The following SPTLC2 variants were observed in gnomAD, a reference collection of about 807,000 sequenced individuals.
SPTLC2 encodes serine palmitoyltransferase long chain base subunit 2.
SPTLC2 carries 21 observed loss-of-function variants against 62.0 expected under a neutral mutation model. The observed-to-expected ratio is 0.34, with a 90% CI of 0.24 to 0.49. The LOEUF is 0.49. Among genes scored for constraint, SPTLC2 ranks in the 20% least tolerant of loss-of-function variants. The pLI is 0.99. For synonymous variants in SPTLC2, 261 were observed against 261.8 expected (o/e 1.00, Z 0.03); for missense variants, 511 against 713.0 (o/e 0.72, Z 3.23).
chr14:77,603,408 C>A (rs1356631015), intron 1 of SPTLC2, among the ~76,000 whole-genome samples: 2 of 152,202 alleles, frequency 1.3e-5, no homozygotes, highest in African/African-American at 2.4e-5. Flanking sequence ...TCTGCTGAAA[C>A]TGTCCTTGCA....
At chr14:77,612,017 G>T (rs2140068124) in intron 1 of SPTLC2, among the ~76,000 whole-genome samples, 1 of 152,276 alleles carries the variant, frequency 6.6e-6, no homozygotes, top group Non-Finnish European at 1.5e-5. Context: ...TGGGTCAAGA[G>T]CAAAGGACTT....
intron 2 of SPTLC2, among the ~76,000 whole-genome samples, chr14:77,589,201 C>T (rs1257754925): frequency 1.3e-5 from 2 of 152,032 alleles, no homozygotes; most frequent in East Asian, 1.9e-4. Flanking sequence ...GGTTAATTAA[C>T]GACTTTCCTT....
At chr14:77,570,243 AAAAC>A in intron 5 of SPTLC2, 137 bp downstream of exon 5, 1 of 1,205,746 alleles carries the variant, frequency 8.3e-7, no homozygotes, top group Non-Finnish European at 1.2e-6. Flanking sequence ...AAAAAAAAGA[AAAAC>A]AATTTGTGGT....
intron 9 of SPTLC2, among the ~76,000 whole-genome samples, chr14:77,528,832 G>A (rs8018783): frequency 0.23 from 35,094 of 151,790 alleles, 4,810 homozygotes; most frequent in East Asian, 0.56. Flanking sequence ...TCTTATTTTT[G>A]TTATTTTTTG....
At chr14:77,536,012 T>C (rs1299693567) in intron 9 of SPTLC2, 1 of 444,528 alleles carries the variant, frequency 2.2e-6, no homozygotes, top group Non-Finnish European at 4.5e-6. Context: ...TTACCTGAGA[T>C]AGGAAACACA....
chr14:77,513,043 T>TTTTTG (rs66611905), intron 11 of SPTLC2, among the ~76,000 whole-genome samples: 18 of 139,168 alleles, frequency 1.3e-4, no homozygotes, highest in Non-Finnish European at 2.0e-4. Flanking sequence ...TTTTTTTTTT[T>TTTTTG]GAGACAGAGT....
At chr14:77,513,043 T>TTTTTTTTG (rs66611905) in intron 11 of SPTLC2, among the ~76,000 whole-genome samples, 1 of 139,168 alleles carries the variant, frequency 7.2e-6, no homozygotes. Flanking sequence ...TTTTTTTTTT[T>TTTTTTTTG]GAGACAGAGT....
intron 9 of SPTLC2, among the ~76,000 whole-genome samples, chr14:77,531,335 A>C (rs577619587): frequency 9.9e-5 from 15 of 152,172 alleles, no homozygotes; most frequent in Admixed American, 6.5e-4. Context: ...ACTATTCCAT[A>C]TGCTTCTCAG....
intron 2 of SPTLC2, among the ~76,000 whole-genome samples, chr14:77,583,502 T>C (rs2079764851): frequency 6.6e-6 from 1 of 152,144 alleles, no homozygotes; most frequent in Admixed American, 6.5e-5. Flanking sequence ...CAGGATACGT[T>C]AAAGAACAAG....
intron 5 of SPTLC2, among the ~76,000 whole-genome samples, chr14:77,567,290 G>A (rs998971294): frequency 1.3e-5 from 2 of 152,186 alleles, no homozygotes; most frequent in African/African-American, 4.8e-5. Flanking sequence ...TATCTTCCAG[G>A]TCTGTGTAGA....
chr14:77,522,330 C>T (rs1479488321), intron 9 of SPTLC2, among the ~76,000 whole-genome samples: 33 of 151,974 alleles, frequency 2.2e-4, no homozygotes, highest in Admixed American at 2.2e-3. Flanking sequence ...GCCCAGCTAA[C>T]TTTTGTATTT....
In SPTLC2 at chr14:77,509,155, C is replaced by T. The variant is rs1404944738; in HGVS notation, c.*3129G>A. On this transcript the variant is annotated 3_prime_UTR_variant, in exon 12 of 12. Transcript: ENST00000216484. ...GTTTACGATAGTGACTAAAGCACTA[C>T]GATGGCTGGATTCTTCAAACAAATA... 2.6e-5 allele frequency: 4 copies of T among 152,246 alleles called. No homozygotes were observed. Among genetic ancestry groups the T allele is most frequent in the Admixed American group, 6.5e-5 (1 of 15,284 alleles). The allele number at this position is 152,246 out of a possible 1,614,324, so 9.4% of individuals were successfully genotyped here. A position where few individuals can be genotyped will look rare whatever the true frequency, so the allele number is the denominator to read the frequency against.
intron 9 of SPTLC2, among the ~76,000 whole-genome samples, chr14:77,546,214 A>G (rs756071157): frequency 1.3e-5 from 2 of 152,224 alleles, no homozygotes; most frequent in African/African-American, 2.4e-5. Context: ...TGTTCCATAC[A>G]TGAGCTCAAA....
chr14:77,579,250 C>G, intron 2 of SPTLC2, 141 bp from the exon 3 acceptor site: 1 of 822,342 alleles, frequency 1.2e-6, no homozygotes, highest in South Asian at 1.6e-5. Context: ...GTGTAATGGA[C>G]AAGTCAGGGA....
rs1202027028 is a variant in SPTLC2, at chr14:77,576,873, G to C, written c.525C>G (p.Ser175=). 2.5e-6 allele frequency: 4 copies of C among 1,613,998 alleles called. No homozygotes were observed. In the African/African-American group the frequency reaches 5.3e-5, roughly 22 times the overall value. Reference sequence around the variant, plus strand: ...TCCGTGCAAATCCAAGATAGTTGTAGGAACCCATGTTTATAACACCCTTTA... The same window carrying C: ...TCCGTGCAAATCCAAGATAGTTGTACGAACCCATGTTTATAACACCCTTTA... ...NIIKGVINMG[S]YNYLGFARNT... is the part of the protein sequence containing the mutation. The change falls in exon 4 of 12, where the codon TCC becomes TCG. Residue 175 remains serine (S), a synonymous_variant. Transcript: ENST00000216484.
At chr14:77,518,596 C>CA (rs11400711) in intron 10 of SPTLC2, among the ~76,000 whole-genome samples, 107,084 of 143,218 alleles carry the variant, frequency 0.75, 41,447 homozygotes, top group East Asian at 0.96. Context: ...GGCTCTGTCT[C>CA]AAAAAAAAAA....
chr14:77,518,022 G>C lies in SPTLC2; in HGVS notation c.1569+16C>G. ...ATAAAAGGCATATTTATATCAAGGT[G>C]AAAGTGCCTACTTACAGTATCAAGT... On this transcript the variant is annotated intron_variant, in intron 11 of 11. Coordinates refer to ENST00000216484, the MANE Select transcript of SPTLC2 (RefSeq NM_004863.4). The C allele has an allele frequency of 6.2e-7, 1 of 1,614,134 alleles. No individual in the cohort carries two copies. The highest frequency in any genetic ancestry group is 8.5e-7 in the Non-Finnish European group (1 of 1,180,012).
At chr14:77,567,184 A>G (rs2079650033) in intron 5 of SPTLC2, among the ~76,000 whole-genome samples, 1 of 151,530 alleles carries the variant, frequency 6.6e-6, no homozygotes, top group Admixed American at 6.6e-5. Flanking sequence ...GTTAGCCAGG[A>G]TGGTCTCGAT....
At chr14:77,562,546 CA>C (rs1368386187) in intron 5 of SPTLC2, 57 bp from the exon 6 acceptor site, 2 of 1,400,940 alleles carry the variant, frequency 1.4e-6, no homozygotes, top group Non-Finnish European at 2.0e-6. Context: ...GTTAGTTACA[CA>C]AATCACAAAA....
Sources: allele counts gnomAD v4.1 joint callset (sites outside exome capture counted in the v4.1 genomes callset), GRCh38; gene constraint gnomAD v4.1.1; transcripts MANE v1.5; gene names NCBI Gene and HGNC (gene_info 2026-07-23, HGNC 2026-07-21).